Variants in ADAMTS17 observed in about 807,000 individuals in gnomAD.
ADAMTS17 encodes the protein A disintegrin and metalloproteinase with thrombospondin motifs 17.
A neutral mutation model predicts 141.5 loss-of-function variants in ADAMTS17; 113 were observed. The ratio of observed to expected loss-of-function variants is 0.80; its 90% CI spans 0.69 to 0.93. The LOEUF (loss-of-function observed/expected upper bound fraction) is 0.93, where lower values mean the gene tolerates loss of function less well. Ranked by LOEUF, ADAMTS17 falls within the 40% of genes least tolerant of loss-of-function variation. ADAMTS17 has a pLI of 0.00. For synonymous variants in ADAMTS17, 768 were observed against 630.6 expected (o/e 1.22, Z -3.27); for missense variants, 1,659 against 1,517.9 (o/e 1.09, Z -1.54).
chr15:100,076,104 G>A (rs189911900), intron 15 of ADAMTS17, among the ~76,000 whole-genome samples: 14 of 152,062 alleles, frequency 9.2e-5, no homozygotes, highest in African/African-American at 2.4e-4. Context: ...GCACAGTGCC[G>A]TGATCTCAGC....
intron 3 of ADAMTS17, among the ~76,000 whole-genome samples, chr15:100,293,924 C>T (rs1024988130): frequency 6.6e-6 from 1 of 152,116 alleles, no homozygotes; most frequent in African/African-American, 2.4e-5. Context: ...CTTCCTCCAC[C>T]TAAAAGGGAG....
At chr15:99,994,895 G>A (rs1251407172) in intron 19 of ADAMTS17, among the ~76,000 whole-genome samples, 1 of 152,246 alleles carries the variant, frequency 6.6e-6, no homozygotes, top group Non-Finnish European at 1.5e-5. Flanking sequence ...TCAGCTCTTT[G>A]TCTAAAGATC....
In ADAMTS17 at chr15:99,997,452, G is replaced by A. The variant is rs767728567; in HGVS notation, c.2729C>T (p.Pro910Leu). ...TRPLYCPGPR[P>L]AAVQSCEGQD... ...GCCTTCACAGCTCTGCACTGCCGCC[G>A]GCCGGGGGCCCGGGCAGTAGAGGGG... Residue 910 changes from proline to leucine, a missense_variant, in exon 19 of 22, where the codon CCG becomes CTG. Transcript: ENST00000268070. The surrounding 1 kb of genome is among the most constrained non-coding windows in gnomAD (Gnocchi z 4.7). 2.6e-5 allele frequency: 42 copies of A among 1,613,610 alleles called. No homozygotes were observed. The highest frequency in any genetic ancestry group is 3.1e-5 in the Non-Finnish European group (36 of 1,179,974).
chr15:100,283,356 C>G (rs574704468), intron 3 of ADAMTS17, among the ~76,000 whole-genome samples: 1 of 152,324 alleles, frequency 6.6e-6, no homozygotes, highest in Admixed American at 6.5e-5. Flanking sequence ...GGTGGAAAAT[C>G]TAGTGACCTA....
At chr15:100,046,539 C>T (rs138020238) in intron 18 of ADAMTS17, among the ~76,000 whole-genome samples, 11,225 of 152,206 alleles carry the variant, frequency 0.074, 1,355 homozygotes, top group African/African-American at 0.24. Flanking sequence ...TCAGGAACCC[C>T]GAACGGAGGG....
intron 14 of ADAMTS17, among the ~76,000 whole-genome samples, chr15:100,101,808 C>T (rs1289288609): frequency 6.6e-6 from 1 of 152,156 alleles, no homozygotes; most frequent in Non-Finnish European, 1.5e-5. Context: ...TACTTGCTTT[C>T]TTCAACTTAT....
chr15:99,972,454 T>G lies in ADAMTS17; in HGVS notation c.*1948A>C, dbSNP rs1475640912. 1 of 152,164 alleles carries G rather than the reference T, an allele frequency of 6.6e-6. No individual in the cohort carries two copies. Among genetic ancestry groups the G allele is most frequent in the Non-Finnish European group, 1.5e-5 (1 of 68,030 alleles). The allele number at this position is 152,164 out of a possible 1,614,324, so 9.4% of individuals were successfully genotyped here. Reference sequence around the variant, plus strand: ...CAAGCTAAGGCTTCCTTAGTGAGCTTGCCCGGCTCTGCTCCTTGGCTGCAA... The same window carrying G: ...CAAGCTAAGGCTTCCTTAGTGAGCTGGCCCGGCTCTGCTCCTTGGCTGCAA... On this transcript the variant is annotated 3_prime_UTR_variant, in exon 22 of 22. Transcript: ENST00000268070.
chr15:100,252,757 T>G (rs1406392194), intron 7 of ADAMTS17, among the ~76,000 whole-genome samples: 2 of 152,080 alleles, frequency 1.3e-5, no homozygotes, highest in Non-Finnish European at 1.5e-5. Context: ...GCAGGAGGAG[T>G]TGGCTGGTTG....
chr15:100,131,191 G>A (rs559988725), intron 12 of ADAMTS17, among the ~76,000 whole-genome samples: 1 of 151,514 alleles, frequency 6.6e-6, no homozygotes, highest in African/African-American at 2.4e-5. Flanking sequence ...CACAGAGAGG[G>A]AAACATCACA....
chr15:100,093,577 C>T (rs1457026951), intron 15 of ADAMTS17, among the ~76,000 whole-genome samples: 1 of 152,090 alleles, frequency 6.6e-6, no homozygotes, highest in Non-Finnish European at 1.5e-5. Context: ...CTGGGTCTCG[C>T]AAGGATATGT....
At chr15:100,221,073 T>C (rs1477530904) in intron 7 of ADAMTS17, among the ~76,000 whole-genome samples, 6 of 152,194 alleles carry the variant, frequency 3.9e-5, no homozygotes, top group African/African-American at 1.4e-4. Flanking sequence ...GTTTAATTTC[T>C]TGAGGAACTG....
At chr15:100,318,000 G>A (rs1312045872) in intron 3 of ADAMTS17, among the ~76,000 whole-genome samples, 5 of 152,096 alleles carry the variant, frequency 3.3e-5, no homozygotes, top group Admixed American at 6.5e-5. Flanking sequence ...AATGCCAGAG[G>A]GACTGAGGGC....
At chr15:100,051,806 A>G in intron 16 of ADAMTS17, 75 bp from the exon 17 acceptor site, 2 of 1,578,774 alleles carry the variant, frequency 1.3e-6, no homozygotes, top group Non-Finnish European at 8.7e-7. Flanking sequence ...CTGCACACAC[A>G]GGCACACTGC....
intron 20 of ADAMTS17, among the ~76,000 whole-genome samples, chr15:99,989,073 C>A (rs2060644258): frequency 6.6e-6 from 1 of 152,188 alleles, no homozygotes; most frequent in Non-Finnish European, 1.5e-5. Context: ...CTCTCCTACC[C>A]AATCCCTTCT....
At chr15:100,314,058 C>T (rs7171572) in intron 3 of ADAMTS17, among the ~76,000 whole-genome samples, 82,956 of 137,056 alleles carry the variant, frequency 0.61, 26,103 homozygotes, top group African/African-American at 0.76. Flanking sequence ...TCAGACAAAA[C>T]CACCCCAAAT....
intron 3 of ADAMTS17, among the ~76,000 whole-genome samples, chr15:100,314,604 A>G (rs2045503869): frequency 6.6e-6 from 1 of 152,254 alleles, no homozygotes; most frequent in Non-Finnish European, 1.5e-5. Context: ...AATAAGAAGC[A>G]AACCAAAAGT....
In ADAMTS17 at chr15:100,304,017, C is replaced by T. The variant is rs7181987; in HGVS notation, c.617-22616G>A. Among the ~76,000 whole-genome samples, 1,324 of 152,364 alleles carry T rather than the reference C, an allele frequency of 8.7e-3. 19 individuals carry two copies. Among genetic ancestry groups the T allele is most frequent in the African/African-American group, 0.027 (1,131 of 41,588 alleles). On this transcript the variant is annotated intron_variant, in intron 3 of 21. Transcript: ENST00000268070. The stretch of plus-strand genomic sequence containing the variant: ...GGGATTACAGGCATGAGCCGCCGCA[C>T]CCGGCCTTAATCAGCTCTTTATGTC...
chr15:100,092,079 G>A (rs2035504294), intron 15 of ADAMTS17, among the ~76,000 whole-genome samples: 1 of 152,218 alleles, frequency 6.6e-6, no homozygotes, highest in Non-Finnish European at 1.5e-5. Context: ...CTTTTCTATG[G>A]AAGAAGGTGC....
intron 8 of ADAMTS17, among the ~76,000 whole-genome samples, chr15:100,195,724 G>C (rs1162299345): frequency 6.6e-6 from 1 of 150,536 alleles, no homozygotes; most frequent in Non-Finnish European, 1.5e-5. Context: ...TCCATGATAC[G>C]GTCATTGTCC....
Sources: allele counts gnomAD v4.1 joint callset (sites outside exome capture counted in the v4.1 genomes callset), GRCh38; gene constraint gnomAD v4.1.1; non-coding constraint Gnocchi (gnomAD v3.1); transcripts MANE v1.5; gene names NCBI Gene and HGNC (gene_info 2026-07-23, HGNC 2026-07-21).